SDK1: variants seen among roughly 807,000 people sequenced by gnomAD.
The protein encoded by SDK1 is sidekick cell adhesion molecule 1.
Under a neutral mutation model 245.5 loss-of-function variants are expected in SDK1, and 157 were observed. The ratio of observed to expected loss-of-function variants is 0.64; its 90% confidence interval spans 0.56 to 0.73. The LOEUF is 0.73. Among genes scored for constraint, SDK1 ranks in the 30% least tolerant of loss-of-function variants. The pLI, the probability that SDK1 is intolerant of heterozygous loss-of-function variation, is 0.00. For missense variants in SDK1, 3,583 were observed against 3,002.3 expected, an observed-to-expected ratio of 1.19 and a Z score of -4.52; for synonymous variants, 1,647 against 1,278.5, an observed-to-expected ratio of 1.29 and a Z score of -6.15.
At chr7:3,554,174 G>T (rs974283834) in intron 1 of SDK1, among the ~76,000 whole-genome samples, 1 of 152,140 alleles carries the variant, frequency 6.6e-6, no homozygotes, top group Non-Finnish European at 1.5e-5. Flanking sequence ...CAAAGAATTC[G>T]TGGGACATTC....
At chr7:3,335,846 G>T (rs1780186596) in intron 1 of SDK1, among the ~76,000 whole-genome samples, 2 of 151,430 alleles carry the variant, frequency 1.3e-5, no homozygotes, top group South Asian at 4.1e-4. Context: ...AGGTGGAGCA[G>T]CCCCATTTCT....
chr7:4,095,155 G>C (rs1051755297), intron 22 of SDK1, among the ~76,000 whole-genome samples: 79 of 148,822 alleles, frequency 5.3e-4, no homozygotes, highest in Non-Finnish European at 7.8e-4. Context: ...CTCTTCCTCA[G>C]CTCCCCCACA....
At chr7:3,770,910 T>A (rs764063296) in intron 4 of SDK1, among the ~76,000 whole-genome samples, 35 of 152,120 alleles carry the variant, frequency 2.3e-4, no homozygotes, top group Middle Eastern at 3.2e-3. Context: ...GTAACATTCT[T>A]TGTTGCCATC....
intron 19 of SDK1, among the ~76,000 whole-genome samples, chr7:4,054,060 T>G (rs1779050343): frequency 6.6e-6 from 1 of 152,084 alleles, no homozygotes; most frequent in African/African-American, 2.4e-5. Flanking sequence ...TGCCTTGGCC[T>G]CTCAAGTAGC....
chr7:3,588,054 A>G (rs754302662), intron 1 of SDK1, among the ~76,000 whole-genome samples: 39 of 152,378 alleles, frequency 2.6e-4, no homozygotes, highest in Non-Finnish European at 5.1e-4. Context: ...AGGGATGTTC[A>G]GCATTTCAAG....
intron 31 of SDK1, among the ~76,000 whole-genome samples, chr7:4,161,398 C>T (rs988023769): frequency 1.3e-5 from 2 of 152,162 alleles, no homozygotes; most frequent in Non-Finnish European, 2.9e-5. Flanking sequence ...GGAAAAGTAG[C>T]TCTCACCTAG....
chr7:3,442,249 C>G (rs1261121601), intron 1 of SDK1, among the ~76,000 whole-genome samples: 2 of 152,148 alleles, frequency 1.3e-5, no homozygotes, highest in Non-Finnish European at 2.9e-5. Flanking sequence ...TAGCACATAG[C>G]CTTTCATGTT....
intron 5 of SDK1, among the ~76,000 whole-genome samples, chr7:3,824,061 T>G (rs984652447): frequency 6.6e-6 from 1 of 152,142 alleles, no homozygotes; most frequent in Non-Finnish European, 1.5e-5. Context: ...TAATTGTGCT[T>G]CTTTCTGGCA....
At chr7:4,236,059 A>T (rs2128236687) in intron 41 of SDK1, among the ~76,000 whole-genome samples, 1 of 152,330 alleles carries the variant, frequency 6.6e-6, no homozygotes, top group South Asian at 2.1e-4. Context: ...CCTCCTAAGG[A>T]GCCCTGTGAA....
intron 1 of SDK1, among the ~76,000 whole-genome samples, chr7:3,617,536 C>T (rs1781807313): frequency 6.6e-6 from 1 of 152,176 alleles, no homozygotes; most frequent in Non-Finnish European, 1.5e-5. Flanking sequence ...CTGTAACAGA[C>T]TGGGTGATTC....
chr7:3,762,083 T>C (rs534600188), intron 4 of SDK1, among the ~76,000 whole-genome samples: 2 of 152,332 alleles, frequency 1.3e-5, no homozygotes, highest in Admixed American at 6.5e-5. Context: ...AGAGGTTAAA[T>C]AAATGTTTAC....
intron 1 of SDK1, among the ~76,000 whole-genome samples, chr7:3,617,173 A>C (rs951259016): frequency 6.6e-5 from 10 of 152,208 alleles, no homozygotes; most frequent in African/African-American, 2.4e-4. Context: ...AATGGTTTCC[A>C]GCACAAAGTA....
At chr7:3,652,673 T>C (rs930705970) in intron 4 of SDK1, among the ~76,000 whole-genome samples, 17 of 152,308 alleles carry the variant, frequency 1.1e-4, no homozygotes, top group African/African-American at 4.1e-4. Context: ...GCCAGACTTA[T>C]GGGGACTTTT....
intron 5 of SDK1, among the ~76,000 whole-genome samples, chr7:3,856,413 G>A (rs1780546489): frequency 6.7e-6 from 1 of 148,240 alleles, no homozygotes. Flanking sequence ...CTCAGTAAAT[G>A]TGACTAATTT....
chr7:3,705,340 T>G (rs1252609216), intron 4 of SDK1, among the ~76,000 whole-genome samples: 1 of 152,050 alleles, frequency 6.6e-6, no homozygotes, highest in African/African-American at 2.4e-5. Context: ...TGTTTCCATT[T>G]ATTTGTCATC....
chr7:3,345,074 T>G (rs73048630), intron 1 of SDK1, among the ~76,000 whole-genome samples: 15,779 of 152,256 alleles, frequency 0.1, 1,027 homozygotes, highest in African/African-American at 0.18. Context: ...TATAGAAGTC[T>G]TTGAAGTCTT....
At position 3,313,204 on chromosome 7, in the gene SDK1, C is replaced by G. The variant is rs574516018; in HGVS notation, c.298+11320C>G. 9.9e-5 allele frequency among the ~76,000 whole-genome samples: 15 copies of G among 152,232 alleles called. 1 individual carries two copies. Among genetic ancestry groups the G allele is most frequent in the African/African-American group, 3.4e-4 (14 of 41,540 alleles). Reference sequence around the variant, plus strand: ...TGGGCAGATCACGAGGTCAAGAGATCGAGACCATCCTGACCAACATGGTGA... The same window carrying G: ...TGGGCAGATCACGAGGTCAAGAGATGGAGACCATCCTGACCAACATGGTGA... On this transcript the variant is annotated intron_variant, in intron 1 of 44. Transcript: ENST00000404826.
rs1454524538 is a variant in SDK1 at position 4,193,360 on chromosome 7, ATATT to A, written c.5099-12518_5099-12515del. Among the ~76,000 whole-genome samples the A allele has an allele frequency of 8.4e-3, 820 of 97,316 alleles. 2 individuals are homozygous for A. Among genetic ancestry groups the A allele is most frequent in the Non-Finnish European group, 0.011 (613 of 54,272 alleles). 63.8% of individuals were successfully genotyped at this position (97,316 alleles called of 152,430 possible). ...ATTAATTTATATAATATATTTATAT[ATATT>A]AAAATATTTATATATATATATATAT... On this transcript the variant is annotated intron_variant, in intron 35 of 44. Coordinates refer to ENST00000404826, the MANE Select transcript of SDK1 (RefSeq NM_152744.4).
At chr7:3,528,285 A>G (rs1049105800) in intron 1 of SDK1, among the ~76,000 whole-genome samples, 3 of 143,376 alleles carry the variant, frequency 2.1e-5, no homozygotes, top group Admixed American at 2.1e-4. Flanking sequence ...AGGTTGGATC[A>G]TAGCCAGCTA....
Sources: allele counts gnomAD v4.1 joint callset (sites outside exome capture counted in the v4.1 genomes callset), GRCh38; gene constraint gnomAD v4.1.1; transcripts MANE v1.5; gene names NCBI Gene and HGNC (gene_info 2026-07-23, HGNC 2026-07-21).